SRMS: variants seen among roughly 807,000 people sequenced by gnomAD.
SRMS encodes tyrosine-protein kinase Srms.
A neutral mutation model predicts 43.5 loss-of-function variants in SRMS; 42 were observed. That is an observed-to-expected ratio of 0.97 (90% confidence interval 0.75 to 1.25). The LOEUF (loss-of-function observed/expected upper bound fraction) is 1.25, where lower values mean the gene tolerates loss of function less well. Among genes scored for constraint, SRMS ranks in the 50% most tolerant of loss-of-function variants. The probability of loss-of-function intolerance (pLI) is 0.00; values close to 1 mark genes in which losing one functional copy is unlikely to be tolerated. For missense variants in SRMS, 703 were observed against 681.0 expected (o/e 1.03, Z -0.36); for synonymous variants, 316 against 308.2 (o/e 1.03, Z -0.27).
In SRMS at chr20:63,540,531, C is replaced by T. The variant is rs1419867069; in HGVS notation, c.*287G>A. On this transcript the variant is annotated 3_prime_UTR_variant, in exon 8 of 8. Coordinates refer to ENST00000217188, the MANE Select transcript of SRMS (RefSeq NM_080823.4). Reference sequence around the variant, plus strand: ...CCCAGCCCTCCGTCTGCACGAGTCACACTGCACGGGGAACGTCAGCCCCAG... The same window carrying T: ...CCCAGCCCTCCGTCTGCACGAGTCATACTGCACGGGGAACGTCAGCCCCAG... Among the ~76,000 whole-genome samples, 1 of 152,176 alleles carries T rather than the reference C, an allele frequency of 6.6e-6. No homozygotes were observed. The highest frequency in any genetic ancestry group is 1.5e-5 in the Non-Finnish European group (1 of 68,038).
In SRMS at chr20:63,540,884, G is replaced by A. The variant is rs767842276; in HGVS notation, c.1401C>T (p.Pro467=). ...VLMLECWRSS[P]EERPSFATLR... is the part of the protein sequence containing the mutation. ...GCGTGGCGAAGGAGGGCCGTTCCTC[G>A]GGGCTGCTCCTCCAGCACTCCAGCA... The change falls in exon 8 of 8, where the codon CCC becomes CCT. Residue 467 remains proline, a synonymous_variant. Transcript: ENST00000217188. 49 of 1,606,050 alleles carry A rather than the reference G, an allele frequency of 3.1e-5. 1 individual carries two copies. The South Asian group carries it at 4.7e-4, about 15-fold the overall frequency.
rs2082695609 is a variant in SRMS, at chr20:63,540,242, T to A, written c.*576A>T. ...GCAGGTGACGGTGCCACCCCGTGCCTACATACCACACATCCAGTGGGGTCA... is the reference window on the plus strand; with the variant it reads ...GCAGGTGACGGTGCCACCCCGTGCCAACATACCACACATCCAGTGGGGTCA... On this transcript the variant is annotated 3_prime_UTR_variant, in exon 8 of 8. Transcript: ENST00000217188. 1.3e-5 allele frequency among the ~76,000 whole-genome samples: 2 copies of A among 152,200 alleles called. No homozygotes were observed.
chr20:63,545,683 G>A (rs1019246047), intron 1 of SRMS, among the ~76,000 whole-genome samples: 1 of 152,164 alleles, frequency 6.6e-6, no homozygotes, highest in South Asian at 2.1e-4. Flanking sequence ...TGAAGATGGA[G>A]ACAGGAAGAG....
At position 63,547,401 on chromosome 20, in the gene SRMS, C is replaced by T. The variant is rs199715082; in HGVS notation, c.63G>A (p.Pro21=). 50 of 1,556,548 alleles carry T rather than the reference C, an allele frequency of 3.2e-5. No individual in the cohort carries two copies. Among genetic ancestry groups the T allele is most frequent in the South Asian group, 1.5e-4 (13 of 86,500 alleles). ...FLSFFWDKIW[P]AGGEPDHGTP... is the part of the protein sequence containing the mutation. ...TGCCATGGTCCGGCTCGCCGCCCGC[C>T]GGCCAGATCTTGTCCCAGAAGAAGG... is the stretch of plus-strand genomic sequence containing the variant. Residue 21 remains proline (P), a synonymous_variant, in exon 1 of 8, where the codon CCG becomes CCA. Transcript: ENST00000217188.
rs576466942 is a variant in SRMS at position 63,539,469 on chromosome 20, G to C, written c.*1349C>G. On this transcript the variant is annotated 3_prime_UTR_variant, in exon 8 of 8. Coordinates refer to ENST00000217188, the MANE Select transcript of SRMS (RefSeq NM_080823.4). Reference sequence around the variant, plus strand: ...TACAGAGCTGACCCCAACTCTAGGGGACAAGGACTCAGTCAGGCCTGAACT... The same window carrying C: ...TACAGAGCTGACCCCAACTCTAGGGCACAAGGACTCAGTCAGGCCTGAACT... Among the ~76,000 whole-genome samples, 2 of 152,334 alleles carry C rather than the reference G, an allele frequency of 1.3e-5. No individual in the cohort carries two copies. The highest frequency in any genetic ancestry group is 3.9e-4 in the East Asian group (2 of 5,186).
chr20:63,541,406 C>G (rs752869162), intron 6 of SRMS, 33 bp downstream of exon 6: 29 of 1,570,472 alleles, frequency 1.8e-5, no homozygotes, highest in South Asian at 1.6e-4. Context: ...TCACCCACCC[C>G]CTCTGGGTCA....
In SRMS at chr20:63,541,237, G is replaced by A. The variant is rs372416080; in HGVS notation, c.1239C>T (p.Gly413=). The change falls in exon 7 of 8, where the codon GGC becomes GGT. Residue 413 remains glycine (G), a synonymous_variant. Transcript: ENST00000217188. Reference sequence around the variant, plus strand: ...AGGTGAAAACCTCGTGCAGCAGGACGCCGAAGGACCAGACGTCTGACTTCT... The same window carrying A: ...AGGTGAAAACCTCGTGCAGCAGGACACCGAAGGACCAGACGTCTGACTTCT... ...FSQKSDVWSF[G]VLLHEVFTYG... 3.4e-5 allele frequency: 53 copies of A among 1,567,144 alleles called. No homozygotes were observed. The highest frequency in any genetic ancestry group is 1.7e-4 in the Middle Eastern group (1 of 5,854).
chr20:63,540,768 G>A lies in SRMS; in HGVS notation c.*50C>T. On this transcript the variant is annotated 3_prime_UTR_variant, in exon 8 of 8. Transcript: ENST00000217188. ...TCCCTTCGAGTTGGCGCTCTGCAGG[G>A]AGGAGGGGCTGGCCTGGCTGGAGCC... The A allele has an allele frequency of 6.5e-7, 1 of 1,543,396 alleles. No individual in the cohort carries two copies. Among genetic ancestry groups the A allele is most frequent in the Non-Finnish European group, 8.7e-7 (1 of 1,147,278 alleles).
At chr20:63,546,309 ATG>A (rs2082730416) in intron 1 of SRMS, among the ~76,000 whole-genome samples, 1 of 94,880 alleles carries the variant, frequency 1.1e-5, no homozygotes, top group Admixed American at 1.8e-4. Context: ...CCCCAGGACG[ATG>A]TGTGAGTGCC....
At chr20:63,546,996 T>C (rs938623615) in intron 1 of SRMS, 112 bp downstream of exon 1, 1 of 1,013,478 alleles carries the variant, frequency 9.9e-7, no homozygotes, top group Non-Finnish European at 1.4e-6. Flanking sequence ...GATGAACGAA[T>C]GAATGAACAG....
At position 63,540,512 on chromosome 20, in the gene SRMS, C is replaced by A. The variant is rs1329833556; in HGVS notation, c.*306G>T. ...CTGCACGGGGAACGTCAGCCCCAGC[C>A]CTCCGTCTGCACGAGTCACACTGCA... On this transcript the variant is annotated 3_prime_UTR_variant, in exon 8 of 8. Transcript: ENST00000217188. 1.3e-5 allele frequency among the ~76,000 whole-genome samples: 2 copies of A among 152,142 alleles called. No homozygotes were observed. Among genetic ancestry groups the A allele is most frequent in the Non-Finnish European group, 2.9e-5 (2 of 68,026 alleles).
rs1430770170 is a variant in SRMS at position 63,539,919 on chromosome 20, GCCA to G, written c.*896_*898del. ...AAGCCTCCCGGCCCACCCTTCCTGTGCCACCTGGAACCCACCCAGGGAGATGGA... is the reference window on the plus strand; with the variant it reads ...AAGCCTCCCGGCCCACCCTTCCTGTGCCTGGAACCCACCCAGGGAGATGGA... On this transcript the variant is annotated 3_prime_UTR_variant, in exon 8 of 8. Transcript: ENST00000217188. Among the ~76,000 whole-genome samples, 1 of 152,166 alleles carries G rather than the reference GCCA, an allele frequency of 6.6e-6. No homozygotes were observed. The highest frequency in any genetic ancestry group is 1.5e-5 in the Non-Finnish European group (1 of 68,010).
At chr20:63,542,044 C>T in intron 5 of SRMS, 119 bp downstream of exon 5, 2 of 1,414,944 alleles carry the variant, frequency 1.4e-6, no homozygotes, top group Non-Finnish European at 1.9e-6. Flanking sequence ...CCGGGGCCAC[C>T]TGCTCCCGGT....
At position 63,540,055 on chromosome 20, in the gene SRMS, G is replaced by C. The variant is rs1288361019; in HGVS notation, c.*763C>G. Among the ~76,000 whole-genome samples, 1 of 152,226 alleles carries C rather than the reference G, an allele frequency of 6.6e-6. No individual in the cohort carries two copies. The highest frequency in any genetic ancestry group is 2.4e-5 in the African/African-American group (1 of 41,446). ...GGGCCGCTCCAACCTGCATTTTCTAGCCACGTGGACCCGTACGCTCCAGCT... is the reference window on the plus strand; with the variant it reads ...GGGCCGCTCCAACCTGCATTTTCTACCCACGTGGACCCGTACGCTCCAGCT... On this transcript the variant is annotated 3_prime_UTR_variant, in exon 8 of 8. Transcript: ENST00000217188.
At chr20:63,542,006 G>A (rs2082706824) in intron 5 of SRMS, among the ~76,000 whole-genome samples, 157 bp downstream of exon 5, 1 of 152,216 alleles carries the variant, frequency 6.6e-6, no homozygotes, top group Admixed American at 6.5e-5. Flanking sequence ...CCTGTTGGCT[G>A]GAGACCAGAC....
intron 7 of SRMS, 63 bp downstream of exon 7, chr20:63,541,128 G>T (rs2082701317): frequency 3.9e-6 from 6 of 1,552,880 alleles, no homozygotes; most frequent in Non-Finnish European, 3.5e-6. Flanking sequence ...ACAGCGTCCA[G>T]GCCCGGGGCC....
Position 63,542,581 on chromosome 20 carries a change from T to A in SRMS, c.646A>T (p.Lys216Ter). ...TCCCACACGTCCTGCCTCGGGGCCT[T>A]CTGCAGGGAGGGTGGGCAGGGAGGC... ...NPLLQPCMPQ[K>*]APRQDVWERP... The change falls in exon 4 of 8, where the codon AAG becomes TAG. Residue 216 changes from lysine to a stop codon, truncating the protein, a stop_gained and splice_region_variant. Transcript: ENST00000217188. LOFTEE classifies it high-confidence loss of function. 6.3e-7 allele frequency: 1 copy of A among 1,597,728 alleles called. No individual in the cohort carries two copies. The highest frequency in any genetic ancestry group is 8.6e-7 in the Non-Finnish European group (1 of 1,168,944).
rs1159246545 is a variant in SRMS at position 63,541,571 on chromosome 20, G to T, written c.996C>A (p.Cys332Ter). Reference sequence around the variant, plus strand: ...GGTAGCTCATGCCCTCAGCCACCTGGCAGGCAAAGCCCAGGAGTGGCGGCA... The same window carrying T: ...GGTAGCTCATGCCCTCAGCCACCTGTCAGGCAAAGCCCAGGAGTGGCGGCA... ...LRLPPLLGFA[C>*]QVAEGMSYLE... Residue 332 changes from cysteine to a stop codon, truncating the protein, a stop_gained, in exon 6 of 8, where the codon TGC (cysteine) becomes TGA (stop). Coordinates refer to ENST00000217188, the MANE Select transcript of SRMS (RefSeq NM_080823.4). LOFTEE classifies it high-confidence loss of function. 5 of 1,578,070 alleles carry T rather than the reference G, an allele frequency of 3.2e-6. No homozygotes were observed. The highest frequency in any genetic ancestry group is 4.3e-6 in the Non-Finnish European group (5 of 1,165,194).
In SRMS at chr20:63,540,870, G is replaced by T; in HGVS notation, c.1415C>A (p.Ser472Tyr). The change falls in exon 8 of 8, where the codon TCC (serine) becomes TAC (tyrosine). Residue 472 changes from serine (S) to tyrosine (Y), a missense_variant. Transcript: ENST00000217188. The stretch of plus-strand genomic sequence containing the variant: ...CAGCTTCTCCCGCAGCGTGGCGAAG[G>T]AGGGCCGTTCCTCGGGGCTGCTCCT... ...CWRSSPEERPSFATLREKLHA... is the reference protein window; with the variant it reads ...CWRSSPEERPYFATLREKLHA... 6.2e-7 allele frequency: 1 copy of T among 1,605,964 alleles called. No individual in the cohort carries two copies. The highest frequency in any genetic ancestry group is 8.5e-7 in the Non-Finnish European group (1 of 1,179,280).
Sources: allele counts gnomAD v4.1 joint callset (sites outside exome capture counted in the v4.1 genomes callset), GRCh38; gene constraint gnomAD v4.1.1; transcripts MANE v1.5; gene names NCBI Gene and HGNC (gene_info 2026-07-23, HGNC 2026-07-21).